The following CDON variants were observed in gnomAD, a reference collection of about 807,000 sequenced individuals.
CDON encodes cell adhesion molecule-related/down-regulated by oncogenes.
In CDON, 73 loss-of-function variants were observed where a neutral mutation model predicts 120.9. The ratio of observed to expected loss-of-function variants is 0.60; its 90% confidence interval spans 0.50 to 0.73. The LOEUF (loss-of-function observed/expected upper bound fraction) is 0.73, where lower values mean the gene tolerates loss of function less well. Ranked by LOEUF, CDON falls within the 30% of genes least tolerant of loss-of-function variation. The pLI is 0.00. For missense variants in CDON, 1,470 were observed against 1,587.3 expected (o/e 0.93, Z 1.26); for synonymous variants, 566 against 573.5 (o/e 0.99, Z 0.19).
intron 1 of CDON, among the ~76,000 whole-genome samples, chr11:126,060,418 A>C (rs1245661839): frequency 6.6e-6 from 1 of 152,198 alleles, no homozygotes; most frequent in East Asian, 1.9e-4. Flanking sequence ...ATTACACGTT[A>C]AAGCAACACA....
chr11:126,001,742 G>GT lies in CDON; in HGVS notation c.2134dup (p.Thr712AsnfsTer5). 6.2e-7 allele frequency: 1 copy of GT among 1,613,546 alleles called. No individual in the cohort carries two copies. The highest frequency in any genetic ancestry group is 8.5e-7 in the Non-Finnish European group (1 of 1,179,514). Reference sequence around the variant, plus strand: ...ACCTCCACTGTGCCTAGAGGAATCTGTAAGTACCACTCCAAAATTGTTGTT... The same window carrying GT: ...ACCTCCACTGTGCCTAGAGGAATCTGTTAAGTACCACTCCAAAATTGTTGTT... On this transcript the variant is annotated frameshift_variant, in exon 11 of 20. Transcript: ENST00000531738. LOFTEE classifies it high-confidence loss of function.
At chr11:126,005,645 TG>T in intron 9 of CDON, 113 bp downstream of exon 9, 1 of 978,060 alleles carries the variant, frequency 1.0e-6, no homozygotes, top group Non-Finnish European at 1.6e-6. Context: ...CTCATCAGTC[TG>T]GAAGACTCTT....
intron 1 of CDON, among the ~76,000 whole-genome samples, chr11:126,033,911 A>T (rs1213881874): frequency 1.3e-5 from 2 of 152,128 alleles, no homozygotes; most frequent in African/African-American, 4.8e-5. Flanking sequence ...ATTAACAATG[A>T]TGTATCTTCT....
chr11:125,970,394 C>A (rs775192503), intron 18 of CDON, among the ~76,000 whole-genome samples: 2 of 151,838 alleles, frequency 1.3e-5, no homozygotes, highest in African/African-American at 4.8e-5. Flanking sequence ...AGGCTGGTCT[C>A]GAACTTCTGA....
chr11:125,985,296 C>G (rs1410154312), intron 15 of CDON, among the ~76,000 whole-genome samples: 1 of 152,224 alleles, frequency 6.6e-6, no homozygotes, highest in Non-Finnish European at 1.5e-5. Flanking sequence ...GCCTCAGCCT[C>G]CCAGGTAGCT....
intron 18 of CDON, among the ~76,000 whole-genome samples, chr11:125,964,789 A>G (rs1945743364): frequency 6.6e-6 from 1 of 152,206 alleles, no homozygotes; most frequent in Non-Finnish European, 1.5e-5. Context: ...CATCAGACTC[A>G]ATCATCTCAT....
intron 19 of CDON, 92 bp downstream of exon 19, chr11:125,961,632 A>G (rs759040888): frequency 3.2e-6 from 5 of 1,553,462 alleles, no homozygotes; most frequent in Non-Finnish European, 4.4e-6. Context: ...CTAATCATAG[A>G]GGGGAAACTC....
At chr11:125,963,880 G>GTCC (rs1411257087) in intron 18 of CDON, among the ~76,000 whole-genome samples, 3 of 152,196 alleles carry the variant, frequency 2.0e-5, no homozygotes, top group African/African-American at 7.2e-5. Flanking sequence ...AGTGAAGAAA[G>GTCC]CTCTGGTGCA....
chr11:126,045,987 C>CAA (rs149148450), intron 1 of CDON, among the ~76,000 whole-genome samples: 3 of 151,256 alleles, frequency 2.0e-5, no homozygotes, highest in African/African-American at 7.3e-5. Context: ...AAAACAAAAA[C>CAA]AAAAAAAAGT....
intron 18 of CDON, among the ~76,000 whole-genome samples, chr11:125,969,059 C>T (rs773827574): frequency 1.3e-5 from 2 of 152,158 alleles, no homozygotes; most frequent in East Asian, 1.9e-4. Context: ...AGTGCAATGG[C>T]GTGATCTCAG....
intron 3 of CDON, 97 bp from the exon 4 acceptor site, chr11:126,019,862 G>T: frequency 9.3e-7 from 1 of 1,074,606 alleles, no homozygotes; most frequent in Non-Finnish European, 1.4e-6. Context: ...CTGCAGCACG[G>T]CCTTTTGTGG....
At chr11:126,028,398 C>T (rs1947852991) in intron 1 of CDON, among the ~76,000 whole-genome samples, 1 of 151,478 alleles carries the variant, frequency 6.6e-6, no homozygotes, top group Non-Finnish European at 1.5e-5. Context: ...TGGAATCTTG[C>T]TGTCACCCAG....
intron 11 of CDON, among the ~76,000 whole-genome samples, chr11:125,998,272 G>A (rs939644866): frequency 1.3e-5 from 2 of 152,136 alleles, no homozygotes; most frequent in African/African-American, 4.8e-5. Flanking sequence ...CAAATCTCAT[G>A]TTGAAAAGTG....
intron 1 of CDON, among the ~76,000 whole-genome samples, chr11:126,033,858 G>T (rs1948017056): frequency 6.6e-6 from 1 of 152,056 alleles, no homozygotes; most frequent in Non-Finnish European, 1.5e-5. Context: ...GCGTATGGGG[G>T]TTCTTTTAGA....
At chr11:126,036,049 A>C (rs1948087277) in intron 1 of CDON, among the ~76,000 whole-genome samples, 1 of 152,238 alleles carries the variant, frequency 6.6e-6, no homozygotes, top group Non-Finnish European at 1.5e-5. Flanking sequence ...AGGTACATAC[A>C]CACACATATA....
intron 5 of CDON, among the ~76,000 whole-genome samples, chr11:126,017,907 CT>C (rs950920338): frequency 1.7e-4 from 26 of 148,774 alleles, no homozygotes; most frequent in African/African-American, 4.9e-4. Context: ...CATGTATTTA[CT>C]TTTTTTTTTA....
rs1235244287 is a variant in CDON, at chr11:126,012,281, T to C, written c.1199-1587A>G. Among the ~76,000 whole-genome samples the C allele has an allele frequency of 3.3e-5, 5 of 152,180 alleles. No homozygotes were observed. In the East Asian group the frequency reaches 9.6e-4, roughly 29 times the overall value. On this transcript the variant is annotated intron_variant, in intron 7 of 19. Transcript: ENST00000531738. ...GATAACTATATAATACTGAATACAA[T>C]ATATAATATTGAGGAACTGATATCT...
chr11:125,972,154 G>A (rs1038064362), intron 18 of CDON, among the ~76,000 whole-genome samples: 3 of 152,284 alleles, frequency 2.0e-5, no homozygotes, highest in South Asian at 2.1e-4. Flanking sequence ...GGTCAGGCGC[G>A]GTAGCTCGCG....
chr11:125,985,540 GA>G (rs1946436906), intron 15 of CDON, among the ~76,000 whole-genome samples: 1 of 152,236 alleles, frequency 6.6e-6, no homozygotes, highest in Non-Finnish European at 1.5e-5. Flanking sequence ...TAGTGGTAAT[GA>G]AGGGTAAATG....
Sources: gnomAD v4.1 joint callset for allele counts (sites outside exome capture counted in the v4.1 genomes callset) on GRCh38, gnomAD v4.1.1 for gene constraint, MANE v1.5 for transcripts, NCBI Gene and HGNC (gene_info 2026-07-23, HGNC 2026-07-21) for gene names.